Variants in MTMR9 observed in about 807,000 individuals in gnomAD.
The protein encoded by MTMR9 is myotubularin-related protein 9.
MTMR9 carries 39 observed loss-of-function variants against 69.5 expected under a neutral mutation model. The observed-to-expected ratio is 0.56, with a 90% CI of 0.43 to 0.73. The LOEUF is 0.73. MTMR9 is among the 30% of genes least tolerant of loss of function. MTMR9 has a pLI of 0.00. For missense variants in MTMR9, 900 were observed against 671.2 expected (o/e 1.34, Z -3.77); for synonymous variants, 354 against 240.8 (o/e 1.47, Z -4.35).
intron 2 of MTMR9, 62 bp from the exon 3 acceptor site, chr8:11,299,961 G>A: frequency 1.9e-6 from 3 of 1,568,160 alleles, no homozygotes; most frequent in South Asian, 2.3e-5. Flanking sequence ...TAATTTGTCA[G>A]TTAGAATATG....
At chr8:11,285,189 C>T in intron 1 of MTMR9, 119 bp downstream of exon 1, 2 of 981,526 alleles carry the variant, frequency 2.0e-6, no homozygotes, top group Non-Finnish European at 1.5e-6. Context: ...CAAGATGAGC[C>T]CTCTGTGGCC....
At chr8:11,288,831 A>G (rs528883469) in intron 1 of MTMR9, among the ~76,000 whole-genome samples, 22 of 152,366 alleles carry the variant, frequency 1.4e-4, no homozygotes, top group Admixed American at 7.2e-4. Flanking sequence ...TAGGGGGGCA[A>G]GACTGGAAGC....
chr8:11,336,123 G>T, the MTMR9 span, among the ~76,000 whole-genome samples: 1 of 152,186 alleles, frequency 6.6e-6, no homozygotes, highest in South Asian at 2.1e-4. Flanking sequence ...CTTCTACCAG[G>T]TGGCTGGCTG....
At chr8:11,297,882 A>C (rs777121640) in intron 2 of MTMR9, 3 of 456,134 alleles carry the variant, frequency 6.6e-6, no homozygotes, top group Non-Finnish European at 1.3e-5. Flanking sequence ...CCTGTCCTCT[A>C]TCCTTTTCCT....
chr8:11,300,257 C>G, intron 3 of MTMR9, 109 bp downstream of exon 3: 5 of 1,186,970 alleles, frequency 4.2e-6, no homozygotes, highest in Non-Finnish European at 6.0e-6. Flanking sequence ...GTTGACTTAT[C>G]CATTCCTAAT....
chr8:11,309,801 A>T, intron 6 of MTMR9, 113 bp downstream of exon 6: 3 of 1,135,180 alleles, frequency 2.6e-6, no homozygotes, highest in Non-Finnish European at 3.7e-6. Flanking sequence ...ATTACTGTGT[A>T]GGCTAGTCAA....
the MTMR9 span, among the ~76,000 whole-genome samples, chr8:11,333,279 G>T: frequency 1.3e-5 from 2 of 152,090 alleles, no homozygotes; most frequent in South Asian, 4.1e-4. Context: ...ACATTACAAG[G>T]GATCCTAAAT....
At chr8:11,307,737 A>G (rs1287059591) in intron 5 of MTMR9, among the ~76,000 whole-genome samples, 2 of 152,150 alleles carry the variant, frequency 1.3e-5, no homozygotes, top group Non-Finnish European at 2.9e-5. Context: ...AGTAATAGCC[A>G]TTCTAACAGG....
At chr8:11,328,477 T>G (rs1413101986), downstream of MTMR9, among the ~76,000 whole-genome samples, 1 of 152,122 alleles carries the variant, frequency 6.6e-6, no homozygotes, top group African/African-American at 2.4e-5. Flanking sequence ...GAATATGTAT[T>G]CTACATATTA....
intron 5 of MTMR9, among the ~76,000 whole-genome samples, chr8:11,307,572 A>G (rs561684027): frequency 6.6e-6 from 1 of 152,252 alleles, no homozygotes; most frequent in East Asian, 1.9e-4. Flanking sequence ...CAGAAGTGGG[A>G]TTACTGGATC....
downstream of MTMR9, chr8:11,332,138 GC>G (rs1801260592): frequency 1.2e-6 from 2 of 1,611,588 alleles, no homozygotes; most frequent in Non-Finnish European, 1.7e-6. Context: ...GAACTTGGGA[GC>G]CCGGGGGTTG....
In MTMR9 at chr8:11,322,906, C is replaced by A; in HGVS notation, c.*118C>A. On this transcript the variant is annotated 3_prime_UTR_variant, in exon 10 of 10. Transcript: ENST00000221086. ...TGAAGTGAAGGCTTTAGATGTGGGA[C>A]CCCCCTAATGTAATGGATTTCTCAA... The A allele has an allele frequency of 2.4e-6, 2 of 823,450 alleles. No individual in the cohort carries two copies. The highest frequency in any genetic ancestry group is 1.9e-6 in the Non-Finnish European group (1 of 529,914). 51.0% of individuals were successfully genotyped at this position (823,450 alleles called of 1,614,324 possible).
In MTMR9 at chr8:11,296,253, A is replaced by T. The variant is rs75993303; in HGVS notation, c.291+951A>T. ...CTACGTTTTATAAAACAAGGATAAT[A>T]GTACCTATCTTTTAGGGCTGTTGTA... On this transcript the variant is annotated intron_variant, in intron 2 of 9. Coordinates refer to ENST00000221086, the MANE Select transcript of MTMR9 (RefSeq NM_015458.4). 7.6e-3 allele frequency among the ~76,000 whole-genome samples: 1,164 copies of T among 152,298 alleles called. 13 individuals are homozygous for T. The highest frequency in any genetic ancestry group is 0.011 in the Non-Finnish European group (770 of 68,028).
chr8:11,287,860 A>C (rs1799228551), intron 1 of MTMR9, among the ~76,000 whole-genome samples: 1 of 113,358 alleles, frequency 8.8e-6, no homozygotes, highest in Admixed American at 9.9e-5. Context: ...TATATGTTAT[A>C]TATTATATTA....
chr8:11,314,240 A>C (rs1216632317), intron 6 of MTMR9, among the ~76,000 whole-genome samples: 1 of 152,198 alleles, frequency 6.6e-6, no homozygotes, highest in Non-Finnish European at 1.5e-5. Context: ...AGGGTAGAAG[A>C]AGGGGAGGGG....
downstream of MTMR9, among the ~76,000 whole-genome samples, chr8:11,328,826 T>C (rs1801064309): frequency 6.6e-6 from 1 of 152,216 alleles, no homozygotes; most frequent in Admixed American, 6.5e-5. Flanking sequence ...ATGGGACATA[T>C]CAACATCATG....
At position 11,322,749 on chromosome 8, in the gene MTMR9, A is replaced by C; in HGVS notation, c.1611A>C (p.Ala537=). 6.2e-7 allele frequency: 1 copy of C among 1,614,102 alleles called. No individual in the cohort carries two copies. The highest frequency in any genetic ancestry group is 8.5e-7 in the Non-Finnish European group (1 of 1,179,978). The change falls in exon 10 of 10, where the codon GCA becomes GCC. Residue 537 remains alanine (A), a synonymous_variant. Coordinates refer to ENST00000221086, the MANE Select transcript of MTMR9 (RefSeq NM_015458.4). ...AKVNILRRQL[A]ELETEDGMQE... Reference sequence around the variant, plus strand: ...TCAATATCCTTCGAAGGCAGTTGGCAGAACTGGAAACAGAGGACGGGATGC... The same window carrying C: ...TCAATATCCTTCGAAGGCAGTTGGCCGAACTGGAAACAGAGGACGGGATGC...
chr8:11,309,890 G>A lies in MTMR9; in HGVS notation c.971+202G>A, dbSNP rs117109207. Among the ~76,000 whole-genome samples, 11 of 152,156 alleles carry A rather than the reference G, an allele frequency of 7.2e-5. No individual in the cohort carries two copies. The East Asian group carries it at 1.9e-3, about 27-fold the overall frequency. ...ATGTTTGTTTCATAAATATGAACCA[G>A]GTAAATATACATGTCTTCTATGACA... On this transcript the variant is annotated intron_variant, in intron 6 of 9. Transcript: ENST00000221086.
chr8:11,294,388 A>T (rs1300840632), intron 1 of MTMR9, among the ~76,000 whole-genome samples: 2 of 151,838 alleles, frequency 1.3e-5, no homozygotes, highest in African/African-American at 4.8e-5. Context: ...TTTTTTGTAA[A>T]TGCCCTTATC....
Sources: gnomAD v4.1 joint callset for allele counts (sites outside exome capture counted in the v4.1 genomes callset) on GRCh38, gnomAD v4.1.1 for gene constraint, MANE v1.5 for transcripts, NCBI Gene and HGNC (gene_info 2026-07-23, HGNC 2026-07-21) for gene names.